The following PCDHA3 variants were observed in gnomAD, a reference collection of about 807,000 sequenced individuals.
PCDHA3 encodes protocadherin alpha-3.
In PCDHA3, 41 loss-of-function variants were observed where a neutral mutation model predicts 62.2. The observed-to-expected ratio is 0.66, with a 90% confidence interval of 0.51 to 0.86. The LOEUF (loss-of-function observed/expected upper bound fraction) is 0.86, where lower values mean the gene tolerates loss of function less well. PCDHA3 is among the 40% of genes least tolerant of loss of function. PCDHA3 has a pLI of 0.00. For synonymous variants in PCDHA3, 640 were observed against 555.4 expected, an observed-to-expected ratio of 1.15 and a Z score of -2.14; for missense variants, 1,304 against 1,241.2, an observed-to-expected ratio of 1.05 and a Z score of -0.76.
intron 1 of PCDHA3, chr5:140,835,675 G>C (rs2150241595): frequency 6.2e-7 from 1 of 1,613,918 alleles, no homozygotes; most frequent in South Asian, 1.1e-5. Context: ...CGGGACGGGG[G>C]CTCGCCTTCT....
At chr5:140,978,788 T>TA (rs2096823213) in intron 1 of PCDHA3, 161 bp from the exon 2 acceptor site, 1 of 974,810 alleles carries the variant, frequency 1.0e-6, no homozygotes, top group Non-Finnish European at 1.2e-6. Flanking sequence ...TCTAAAGTGC[T>TA]ATATATGTAG....
At chr5:140,925,941 G>A (rs1311329302) in intron 1 of PCDHA3, among the ~76,000 whole-genome samples, 2 of 138,504 alleles carry the variant, frequency 1.4e-5, no homozygotes, top group South Asian at 2.1e-4. Flanking sequence ...GAGCCTCTTG[G>A]AGAAGGAGAA....
At chr5:140,899,713 T>G (rs1336302647) in intron 1 of PCDHA3, among the ~76,000 whole-genome samples, 1 of 152,210 alleles carries the variant, frequency 6.6e-6, no homozygotes, top group Non-Finnish European at 1.5e-5. Context: ...TTAGGGAGGA[T>G]TCCCTCTTTT....
chr5:140,841,831 C>G (rs2150323800), intron 1 of PCDHA3: 1 of 1,613,930 alleles, frequency 6.2e-7, no homozygotes, highest in East Asian at 2.2e-5. Context: ...TGTTAACCTA[C>G]AGGCTTAGCT....
intron 1 of PCDHA3, among the ~76,000 whole-genome samples, chr5:140,922,964 GTGGCA>G (rs1293947003): frequency 6.6e-6 from 1 of 152,186 alleles, no homozygotes; most frequent in East Asian, 1.9e-4. Context: ...TCTTCAGCCA[GTGGCA>G]TATCTCAGAC....
At chr5:140,934,171 A>C (rs965826085) in intron 1 of PCDHA3, among the ~76,000 whole-genome samples, 11 of 152,160 alleles carry the variant, frequency 7.2e-5, no homozygotes, top group African/African-American at 2.7e-4. Context: ...GTGCAACAGA[A>C]GTACTCTAAA....
intron 1 of PCDHA3, chr5:140,823,159 T>A: frequency 6.2e-7 from 1 of 1,613,740 alleles, no homozygotes; most frequent in Non-Finnish European, 8.5e-7. Context: ...GTATACCGTG[T>A]TCGTGAAGGA....
At chr5:140,988,092 C>T (rs1266366711) in intron 3 of PCDHA3, among the ~76,000 whole-genome samples, 6 of 152,174 alleles carry the variant, frequency 3.9e-5, no homozygotes, top group East Asian at 1.9e-4. Flanking sequence ...AGTGCAGCCT[C>T]GGGCCTTGTT....
chr5:140,958,495 C>T (rs559117374), intron 1 of PCDHA3, among the ~76,000 whole-genome samples: 1 of 152,138 alleles, frequency 6.6e-6, no homozygotes, highest in African/African-American at 2.4e-5. Context: ...TCCACATATC[C>T]TAGGAGGCAT....
intron 1 of PCDHA3, chr5:140,841,298 T>C (rs1554138068): frequency 6.4e-7 from 1 of 1,567,044 alleles, no homozygotes; most frequent in Admixed American, 2.0e-5. Flanking sequence ...GATAATATTT[T>C]CTGATAGGAA....
At chr5:140,840,905 T>C (rs1776936709) in intron 1 of PCDHA3, among the ~76,000 whole-genome samples, 1 of 151,998 alleles carries the variant, frequency 6.6e-6, no homozygotes, top group Non-Finnish European at 1.5e-5. Flanking sequence ...ATACAGGTCA[T>C]ACTTAAATTT....
At chr5:140,857,488 C>G (rs782255025) in intron 1 of PCDHA3, 2 of 1,598,442 alleles carry the variant, frequency 1.3e-6, no homozygotes, top group South Asian at 2.2e-5. Context: ...CTGCGTGGGA[C>G]GCGGACGCGC....
chr5:140,908,919 G>A (rs781892541), intron 1 of PCDHA3, among the ~76,000 whole-genome samples: 1 of 152,158 alleles, frequency 6.6e-6, no homozygotes, highest in Non-Finnish European at 1.5e-5. Context: ...TGTAGGAGGG[G>A]CCAAATGCAG....
rs1342030965 is a variant in PCDHA3 at position 140,955,208 on chromosome 5, C to G, written c.2395-23741C>G. ...GGTGTATATGAAGTCAATCAAGTAG[C>G]ATGATGCCTCCAGCTTTGTTCTTTT... On this transcript the variant is annotated intron_variant, in intron 1 of 3. Transcript: ENST00000522353. 2.6e-5 allele frequency among the ~76,000 whole-genome samples: 4 copies of G among 152,140 alleles called. No individual in the cohort carries two copies. In the East Asian group the frequency reaches 7.7e-4, roughly 29 times the overall value.
chr5:140,907,623 G>A (rs553186767), intron 1 of PCDHA3, among the ~76,000 whole-genome samples: 3 of 152,234 alleles, frequency 2.0e-5, no homozygotes, highest in Non-Finnish European at 2.9e-5. Context: ...AGGGCTCAGT[G>A]TTGGTCTCTG....
rs782706939 is a variant in PCDHA3 at position 140,967,257 on chromosome 5, G to C, written c.2395-11692G>C. ...CAGGTAAGCGAATCGGTGGCGCCTG[G>C]AGCGCGCTTTCACATAGAGAGTGCG... is the stretch of plus-strand genomic sequence containing the variant. On this transcript the variant is annotated intron_variant, in intron 1 of 3. Coordinates refer to ENST00000522353, the MANE Select transcript of PCDHA3 (RefSeq NM_018906.3). 1.9e-6 allele frequency: 3 copies of C among 1,613,486 alleles called. No individual in the cohort carries two copies. The highest frequency in any genetic ancestry group is 1.3e-5 in the African/African-American group (1 of 75,062).
chr5:140,990,822 C>G (rs1273714328), intron 3 of PCDHA3, among the ~76,000 whole-genome samples: 1 of 152,204 alleles, frequency 6.6e-6, no homozygotes. Flanking sequence ...CTTCTCTCAG[C>G]TAAAGCCTAT....
chr5:140,842,923 G>A (rs1454806269), intron 1 of PCDHA3: 1 of 1,594,526 alleles, frequency 6.3e-7, no homozygotes, highest in Non-Finnish European at 8.6e-7. Flanking sequence ...TGCAGTTCCA[G>A]GTGAGCGCGC....
intron 1 of PCDHA3, chr5:140,812,411 TG>T (rs1554125981): frequency 6.6e-6 from 1 of 152,160 alleles, no homozygotes; most frequent in East Asian, 1.9e-4. Context: ...TTGTCAGTTT[TG>T]TTGTTTTTTC....
Sources: allele counts gnomAD v4.1 joint callset (sites outside exome capture counted in the v4.1 genomes callset), GRCh38; gene constraint gnomAD v4.1.1; transcripts MANE v1.5; gene names NCBI Gene and HGNC (gene_info 2026-07-23, HGNC 2026-07-21).